SPEF2: variants seen among roughly 807,000 people sequenced by gnomAD.
SPEF2 encodes sperm flagellar and cilia associated 2.
In SPEF2, 187 loss-of-function variants were observed where a neutral mutation model predicts 224.6. The ratio of observed to expected loss-of-function variants is 0.83; its 90% CI spans 0.74 to 0.94. The LOEUF (loss-of-function observed/expected upper bound fraction) is 0.94, where lower values mean the gene tolerates loss of function less well. Ranked by LOEUF, SPEF2 falls within the 40% of genes least tolerant of loss-of-function variation. The probability of loss-of-function intolerance (pLI) is 0.00; values close to 1 mark genes in which losing one functional copy is unlikely to be tolerated. For missense variants in SPEF2, 2,170 were observed against 2,135.6 expected (o/e 1.02, Z -0.32); for synonymous variants, 715 against 707.3 (o/e 1.01, Z -0.17).
intron 2 of SPEF2, among the ~76,000 whole-genome samples, chr5:35,638,586 G>A (rs1383713457): frequency 6.6e-6 from 1 of 152,012 alleles, no homozygotes; most frequent in African/African-American, 2.4e-5. Flanking sequence ...AGTAGATTTA[G>A]TCTCCCTTTT....
chr5:35,695,675 T>C (rs908080154), intron 13 of SPEF2, 60 bp from the exon 14 acceptor site: 3 of 1,363,338 alleles, frequency 2.2e-6, no homozygotes, highest in African/African-American at 2.9e-5. Context: ...GGTCAAATAC[T>C]GCTTTGGTTG....
chr5:35,806,817 T>G lies in SPEF2; in HGVS notation c.5121T>G (p.Asp1707Glu). The G allele has an allele frequency of 3.1e-6, 5 of 1,613,866 alleles. No homozygotes were observed. The highest frequency in any genetic ancestry group is 3.4e-6 in the Non-Finnish European group (4 of 1,179,924). Residue 1707 changes from aspartate (D) to glutamate (E), a missense_variant, in exon 35 of 37, where the codon GAT (aspartate) becomes GAG (glutamate). By Grantham distance (45) the Asp-to-Glu change is conservative. Coordinates refer to ENST00000356031, the MANE Select transcript of SPEF2 (RefSeq NM_024867.4). ...ACACGGAGAAAAGGGAACAGAAGGA[T>G]GAAGAAATCCCTGAAAATGCAAACA... ...KDDTEKREQKDEEIPENANNE... is the reference protein window; with the variant it reads ...KDDTEKREQKEEEIPENANNE...
In SPEF2 at chr5:35,646,777, A is replaced by G. The variant is rs1488690494; in HGVS notation, c.696A>G (p.Gln232=). ...SNRTLKALEA[Q]KMMKKKKEAE... ...GTACTTTGAAAGCACTCGAGGCCCA[A>G]AAAATGATGAAAAAGAAAAAAGAGG... The change falls in exon 5 of 37, where the codon CAA becomes CAG. Residue 232 remains glutamine, a synonymous_variant. Coordinates refer to ENST00000356031, the MANE Select transcript of SPEF2 (RefSeq NM_024867.4). 6.2e-7 allele frequency: 1 copy of G among 1,613,832 alleles called. No individual in the cohort carries two copies. The highest frequency in any genetic ancestry group is 8.5e-7 in the Non-Finnish European group (1 of 1,179,932).
At chr5:35,638,636 TTA>T (rs567256916) in intron 2 of SPEF2, among the ~76,000 whole-genome samples, 55 of 152,328 alleles carry the variant, frequency 3.6e-4, no homozygotes, top group African/African-American at 1.2e-3. Context: ...CCTTTCCTTA[TTA>T]CATTATCATT....
intron 29 of SPEF2, among the ~76,000 whole-genome samples, chr5:35,778,125 A>G (rs150331518): frequency 5.3e-5 from 8 of 152,324 alleles, no homozygotes; most frequent in Admixed American, 3.9e-4. Context: ...TATGTTCAGT[A>G]TGTGGTATAT....
intron 1 of SPEF2, among the ~76,000 whole-genome samples, chr5:35,623,442 G>A (rs1340579303): frequency 1.3e-5 from 2 of 152,300 alleles, no homozygotes; most frequent in South Asian, 2.1e-4. Flanking sequence ...AAAATGGTAT[G>A]GGTCTGCAGT....
chr5:35,649,218 A>C (rs182621586), intron 5 of SPEF2, 143 bp from the exon 6 acceptor site: 2 of 635,670 alleles, frequency 3.1e-6, no homozygotes, highest in Admixed American at 6.7e-5. Context: ...AATTATAAAA[A>C]AAATTTTTAG....
intron 25 of SPEF2, among the ~76,000 whole-genome samples, chr5:35,761,363 A>G (rs1379207582): frequency 2.0e-5 from 3 of 152,222 alleles, no homozygotes; most frequent in African/African-American, 4.8e-5. Flanking sequence ...ATTTAGTACC[A>G]TATTGTGGTA....
chr5:35,747,087 G>T (rs1490081984), intron 23 of SPEF2, among the ~76,000 whole-genome samples: 1 of 152,088 alleles, frequency 6.6e-6, no homozygotes, highest in Non-Finnish European at 1.5e-5. Flanking sequence ...CGTATATGAA[G>T]GAAAGACATA....
chr5:35,644,427 T>C lies in SPEF2; in HGVS notation c.487T>C (p.Tyr163His), dbSNP rs1747057001. Reference protein sequence around the residue: ...MRITYRFQEKYKHVKEDLAHL... With the variant: ...MRITYRFQEKHKHVKEDLAHL... Reference sequence around the variant, plus strand: ...GATTACATACAGGTTTCAAGAAAAATATAAACACGTGAAAGAAGATCTTGC... The same window carrying C: ...GATTACATACAGGTTTCAAGAAAAACATAAACACGTGAAAGAAGATCTTGC... The change falls in exon 4 of 37, where the codon TAT (tyrosine) becomes CAT (histidine). Residue 163 changes from tyrosine to histidine, a missense_variant. Coordinates refer to ENST00000356031, the MANE Select transcript of SPEF2 (RefSeq NM_024867.4). 1 of 1,611,552 alleles carries C rather than the reference T, an allele frequency of 6.2e-7. No homozygotes were observed. The highest frequency in any genetic ancestry group is 8.5e-7 in the Non-Finnish European group (1 of 1,178,896).
intron 31 of SPEF2, among the ~76,000 whole-genome samples, chr5:35,792,829 G>T (rs115663127): frequency 1.8e-3 from 278 of 152,306 alleles, no homozygotes; most frequent in Non-Finnish European, 3.1e-3. Flanking sequence ...TCCCCCATGG[G>T]CCACAAAGCC....
intron 34 of SPEF2, among the ~76,000 whole-genome samples, chr5:35,805,729 T>TGTTA (rs1040569611): frequency 6.6e-6 from 1 of 152,194 alleles, no homozygotes. Flanking sequence ...AAGTCACCAC[T>TGTTA]GTTAACTCCT....
At chr5:35,695,068 C>T (rs1242737963) in intron 13 of SPEF2, among the ~76,000 whole-genome samples, 1 of 152,124 alleles carries the variant, frequency 6.6e-6, no homozygotes, top group Non-Finnish European at 1.5e-5. Context: ...GAACAATGTC[C>T]AGGTTTACTA....
intron 6 of SPEF2, among the ~76,000 whole-genome samples, chr5:35,652,438 TAATA>T (rs1748335954): frequency 6.6e-6 from 1 of 152,176 alleles, no homozygotes; most frequent in Admixed American, 6.5e-5. Context: ...TACTAAATCT[TAATA>T]AATAGATAGG....
intron 23 of SPEF2, among the ~76,000 whole-genome samples, chr5:35,751,851 C>T (rs914833367): frequency 5.9e-5 from 9 of 152,172 alleles, no homozygotes; most frequent in South Asian, 4.1e-4. Context: ...ATGGTCTTGT[C>T]GGAAGCCTAC....
chr5:35,686,855 A>G (rs10805608), intron 10 of SPEF2, among the ~76,000 whole-genome samples: 40,136 of 151,878 alleles, frequency 0.26, 7,473 homozygotes, highest in African/African-American at 0.52. Context: ...TTAACCTTTC[A>G]TCAAATATAT....
intron 14 of SPEF2, among the ~76,000 whole-genome samples, chr5:35,696,810 C>T (rs373992842): frequency 6.6e-6 from 1 of 152,122 alleles, no homozygotes; most frequent in East Asian, 1.9e-4. Flanking sequence ...CACAGTTGGT[C>T]ACCTTATGAC....
rs1744604846 is a variant in SPEF2 at position 35,628,571 on chromosome 5, G to A, written c.161+9G>A. The A allele has an allele frequency of 6.4e-7, 1 of 1,570,476 alleles. No individual in the cohort carries two copies. ...GAATTTTTGGACAGCAGGTTAGTGA[G>A]ATTATTCCTTTTTGTTGTTGTTGTT... On this transcript the variant is annotated intron_variant, in intron 2 of 36. Coordinates refer to ENST00000356031, the MANE Select transcript of SPEF2 (RefSeq NM_024867.4).
intron 1 of SPEF2, among the ~76,000 whole-genome samples, chr5:35,619,456 GCAGATCATGAGGT>G (rs1743173107): frequency 6.6e-6 from 1 of 152,156 alleles, no homozygotes; most frequent in Non-Finnish European, 1.5e-5. Flanking sequence ...GCCGAGGTGG[GCAGATCATGAGGT>G]CAGGAGTTCG....
Sources: gnomAD v4.1 joint callset for allele counts (sites outside exome capture counted in the v4.1 genomes callset) on GRCh38, gnomAD v4.1.1 for gene constraint, MANE v1.5 for transcripts, NCBI Gene and HGNC (gene_info 2026-07-23, HGNC 2026-07-21) for gene names.